The following KANK4 variants were observed in gnomAD, a reference collection of about 807,000 sequenced individuals.
KANK4 encodes the protein KN motif and ankyrin repeat domains 4.
A neutral mutation model predicts 80.8 loss-of-function variants in KANK4; 50 were observed. That is an observed-to-expected ratio of 0.62 (90% CI 0.49 to 0.78). The LOEUF (loss-of-function observed/expected upper bound fraction) is 0.78, where lower values mean the gene tolerates loss of function less well. Among genes scored for constraint, KANK4 ranks in the 30% least tolerant of loss-of-function variants. The pLI is 0.00. For synonymous variants in KANK4, 465 were observed against 506.9 expected (o/e 0.92, Z 1.11); for missense variants, 1,196 against 1,240.1 (o/e 0.96, Z 0.53).
intron 1 of KANK4, among the ~76,000 whole-genome samples, chr1:62,316,973 G>A (rs534624851): frequency 1.3e-5 from 2 of 152,310 alleles, no homozygotes; most frequent in South Asian, 2.1e-4. Flanking sequence ...GTTTAATGCC[G>A]AAGTTCAAAG....
intron 1 of KANK4, among the ~76,000 whole-genome samples, chr1:62,308,154 C>T (rs1011073595): frequency 6.6e-6 from 1 of 152,192 alleles, no homozygotes; most frequent in African/African-American, 2.4e-5. Context: ...TGGTCTCTAG[C>T]GCCCTAGGGA....
At chr1:62,293,778 T>A (rs1245762454) in intron 1 of KANK4, among the ~76,000 whole-genome samples, 3 of 152,160 alleles carry the variant, frequency 2.0e-5, no homozygotes, top group Non-Finnish European at 4.4e-5. Context: ...GCAGAAGACA[T>A]TTGTTGTGTG....
rs1426205120 is a variant in KANK4, at chr1:62,273,300, G to A, written c.1804C>T (p.Gln602Ter). The change falls in exon 3 of 10, where the codon CAG becomes TAG. Residue 602 changes from glutamine to a stop codon, truncating the protein, a stop_gained. Coordinates refer to ENST00000371153, the MANE Select transcript of KANK4 (RefSeq NM_181712.5). LOFTEE classifies it high-confidence loss of function. ...AGCAGGTTGAGGGAGCTCAGCAGCT[G>A]GCTCTGGATGCTGCTGAGCTTGGAG... ...PASKLSSIQS[Q>*]LLSSLNLLLS... The A allele has an allele frequency of 6.3e-7, 1 of 1,597,784 alleles. No homozygotes were observed. Among genetic ancestry groups the A allele is most frequent in the Non-Finnish European group, 8.6e-7 (1 of 1,168,474 alleles).
At chr1:62,266,914 C>A in intron 5 of KANK4, 95 bp from the exon 6 acceptor site, 1 of 790,424 alleles carries the variant, frequency 1.3e-6, no homozygotes, top group Non-Finnish European at 2.0e-6. Flanking sequence ...ATCTCAGCAG[C>A]TCAAAAATCC....
Position 62,236,395 on chromosome 1 carries a change from C to T in KANK4, c.*1882G>A, listed in dbSNP as rs1239315818. 6.6e-6 allele frequency among the ~76,000 whole-genome samples: 1 copy of T among 152,098 alleles called. No homozygotes were observed. The highest frequency in any genetic ancestry group is 1.9e-4 in the East Asian group (1 of 5,194). ...ACATTTATTAACGTAGGATGTTGCT[C>T]TTACAATGTATTTTGAGGTCAAAAT... On this transcript the variant is annotated 3_prime_UTR_variant, in exon 10 of 10. Coordinates refer to ENST00000371153, the MANE Select transcript of KANK4 (RefSeq NM_181712.5).
intron 8 of KANK4, among the ~76,000 whole-genome samples, chr1:62,249,546 T>A (rs1671559816): frequency 9.0e-5 from 1 of 11,126 alleles, no homozygotes; most frequent in Non-Finnish European, 2.2e-4. Context: ...ATCTGGCCAA[T>A]TTTTTTTTTT....
In KANK4 at chr1:62,268,510, G is replaced by T. The variant is rs755412721; in HGVS notation, c.2013-5C>A. 1.2e-5 allele frequency: 19 copies of T among 1,611,972 alleles called. No individual in the cohort carries two copies. The highest frequency in any genetic ancestry group is 1.7e-5 in the Admixed American group (1 of 60,014). On this transcript the variant is annotated splice_polypyrimidine_tract_variant and splice_region_variant and intron_variant, in intron 4 of 9. Coordinates refer to ENST00000371153, the MANE Select transcript of KANK4 (RefSeq NM_181712.5). Reference sequence around the variant, plus strand: ...TCACTTGAGGTGGTCTCATACCTGGGGTAGAAAACAAAGGTCACTCGTCCT... The same window carrying T: ...TCACTTGAGGTGGTCTCATACCTGGTGTAGAAAACAAAGGTCACTCGTCCT...
Position 62,274,478 on chromosome 1 carries a change from CCTT to C in KANK4, c.623_625del (p.Glu208del), listed in dbSNP as rs1672257020. The C allele has an allele frequency of 6.2e-7, 1 of 1,614,102 alleles. No homozygotes were observed. Among genetic ancestry groups the C allele is most frequent in the African/African-American group, 1.3e-5 (1 of 74,942 alleles). On this transcript the variant is annotated inframe_deletion, in exon 3 of 10. Transcript: ENST00000371153. Reference sequence around the variant, plus strand: ...GCTGGAGCTGTGGAAACCTGCCAATCCTTCTGCAGGTTCAAAGGTGCCATCACA... The same window carrying C: ...GCTGGAGCTGTGGAAACCTGCCAATCCTGCAGGTTCAAAGGTGCCATCACA...
intron 6 of KANK4, 51 bp from the exon 7 acceptor site, chr1:62,263,362 T>G: frequency 2.1e-6 from 3 of 1,460,248 alleles, no homozygotes; most frequent in Non-Finnish European, 2.8e-6. Context: ...CCAGCAAGAG[T>G]TCCTCCCTTA....
intron 7 of KANK4, among the ~76,000 whole-genome samples, chr1:62,260,352 G>A (rs544693905): frequency 6.6e-6 from 1 of 150,798 alleles, no homozygotes; most frequent in Non-Finnish European, 1.5e-5. Flanking sequence ...CTCTTTTTCT[G>A]CCTGTCTGTC....
chr1:62,249,087 C>A (rs1452712052), intron 8 of KANK4, among the ~76,000 whole-genome samples: 1 of 148,456 alleles, frequency 6.7e-6, no homozygotes, highest in Non-Finnish European at 1.5e-5. Flanking sequence ...ATCACTTGAA[C>A]CCGGGAGGCA....
At chr1:62,275,484 G>A (rs1672287421) in intron 2 of KANK4, among the ~76,000 whole-genome samples, 3 of 152,158 alleles carry the variant, frequency 2.0e-5, no homozygotes, top group East Asian at 1.9e-4. Flanking sequence ...TGGCAATTAC[G>A]GATATGGAAG....
At chr1:62,279,198 G>GCACACACACACACACACA (rs10560623) in intron 2 of KANK4, among the ~76,000 whole-genome samples, 9 of 146,286 alleles carry the variant, frequency 6.2e-5, no homozygotes, top group East Asian at 4.3e-4. Context: ...GCTAGCGCGC[G>GCACACACACACACACACA]CACACACACA....
chr1:62,307,919 G>A (rs1038204579), intron 1 of KANK4, among the ~76,000 whole-genome samples: 3 of 152,192 alleles, frequency 2.0e-5, no homozygotes, highest in Non-Finnish European at 4.4e-5. Flanking sequence ...AGGCCCTGAA[G>A]GCTGTCTCTG....
chr1:62,264,980 G>A (rs1423357800), intron 6 of KANK4, among the ~76,000 whole-genome samples: 1 of 151,998 alleles, frequency 6.6e-6, no homozygotes, highest in African/African-American at 2.4e-5. Flanking sequence ...TATAGGCGCG[G>A]GCCACCACAC....
In KANK4 at chr1:62,274,210, G is replaced by C; in HGVS notation, c.894C>G (p.Leu298=). 1 of 1,614,138 alleles carries C rather than the reference G, an allele frequency of 6.2e-7. No homozygotes were observed. The highest frequency in any genetic ancestry group is 8.5e-7 in the Non-Finnish European group (1 of 1,180,016). The change falls in exon 3 of 10, where the codon CTC becomes CTG. Residue 298 remains leucine (L), a synonymous_variant. Coordinates refer to ENST00000371153, the MANE Select transcript of KANK4 (RefSeq NM_181712.5). ...PLPSPIPENE[L]LLEEIELNIS... ...TGTTGAGCTCGATTTCTTCCAGGAG[G>C]AGCTCATTCTCAGGGATGGGTGATG... is the stretch of plus-strand genomic sequence containing the variant.
chr1:62,243,522 A>T (rs1671395042), intron 9 of KANK4, among the ~76,000 whole-genome samples: 1 of 152,030 alleles, frequency 6.6e-6, no homozygotes, highest in South Asian at 2.1e-4. Context: ...TGTTTTTAGT[A>T]GAGACAGGGT....
intron 7 of KANK4, among the ~76,000 whole-genome samples, chr1:62,257,349 AAGTGCT>A (rs1482072749): frequency 6.6e-6 from 1 of 152,188 alleles, no homozygotes; most frequent in Admixed American, 6.5e-5. Context: ...TGGCTTCTCA[AAGTGCT>A]AGGATTACAG....
At chr1:62,283,787 A>G (rs1407085176) in intron 1 of KANK4, among the ~76,000 whole-genome samples, 1 of 152,172 alleles carries the variant, frequency 6.6e-6, no homozygotes, top group Non-Finnish European at 1.5e-5. Flanking sequence ...GGACTTTTCA[A>G]TCACACGCCT....
Sources: allele counts gnomAD v4.1 joint callset (sites outside exome capture counted in the v4.1 genomes callset), GRCh38; gene constraint gnomAD v4.1.1; transcripts MANE v1.5; gene names NCBI Gene and HGNC (gene_info 2026-07-23, HGNC 2026-07-21).